VWA5B2: variants seen among roughly 807,000 people sequenced by gnomAD.
The protein encoded by VWA5B2 is von Willebrand factor A domain-containing protein 5B2.
In VWA5B2, 93 loss-of-function variants were observed where a neutral mutation model predicts 118.5. That is an observed-to-expected ratio of 0.79 (90% CI 0.66 to 0.93). VWA5B2 has a LOEUF of 0.93. VWA5B2 is among the 40% of genes least tolerant of loss of function. The pLI, the probability that VWA5B2 is intolerant of heterozygous loss-of-function variation, is 0.00. For missense variants in VWA5B2, 1,546 were observed against 1,672.8 expected (o/e 0.92, Z 1.32); for synonymous variants, 708 against 716.3 (o/e 0.99, Z 0.19).
rs1560158001 is a variant in VWA5B2, at chr3:184,241,029, G to A, written c.2884G>A (p.Ala962Thr). ...GALQVCSSEP[A>T]EPPGTPPASH... ...TGTCCCATGTGCCCCTGCAGAGCCC[G>A]CTGAGCCCCCAGGAACCCCTCCTGC... Residue 962 changes from alanine to threonine, a missense_variant, in exon 18 of 20, where the codon GCT becomes ACT. Transcript: ENST00000691901. This position sits in a 1 kb window ranked among gnomAD's most constrained non-coding sequence, Gnocchi z 5.1. 26 of 1,551,602 alleles carry A rather than the reference G, an allele frequency of 1.7e-5. No homozygotes were observed. The highest frequency in any genetic ancestry group is 2.2e-5 in the Non-Finnish European group (25 of 1,146,964).
At chr3:184,231,363 G>C (rs1357696606) in intron 3 of VWA5B2, among the ~76,000 whole-genome samples, 1 of 152,160 alleles carries the variant, frequency 6.6e-6, no homozygotes, top group Non-Finnish European at 1.5e-5. Context: ...CCCTCTCCCA[G>C]CGACCCCATA....
Position 184,239,665 on chromosome 3 carries a change from GC to G in VWA5B2, c.2393-20del. 6.8e-7 allele frequency: 1 copy of G among 1,467,042 alleles called. No homozygotes were observed. The highest frequency in any genetic ancestry group is 2.5e-5 in the East Asian group (1 of 40,010). 90.9% of individuals were successfully genotyped at this position (1,467,042 alleles called of 1,614,324 possible). A position where few individuals can be genotyped will look rare whatever the true frequency, so the allele number is the denominator to read the frequency against. ...AAGCCCAGAGGACCACTCTGCCCAT[GC>G]CCCTGCTGTCTTGCCTCCCCAGGAA... On this transcript the variant is annotated intron_variant, in intron 15 of 19. Transcript: ENST00000691901. The surrounding 1 kb of genome is among the most constrained non-coding windows in gnomAD (Gnocchi z 5.1).
rs1472390902 is a variant in VWA5B2, at chr3:184,241,800, G to A, written c.3491G>A (p.Gly1164Asp). ...GGGCTGGGCGGCACCGACCTGCGGG[G>A]CCGGACCTGGGCCACTGCCGTAGCA... is the stretch of plus-strand genomic sequence containing the variant. ...AEGLGGTDLR[G>D]RTWATAVALA... is the part of the protein sequence containing the mutation. Residue 1164 changes from glycine to aspartate, a missense_variant, in exon 20 of 20, where the codon GGC (glycine) becomes GAC (aspartate). Around this residue, in one of 3 missense-constraint regions of VWA5B2, gnomAD observed 763 missense variants for 766.6 expected, o/e 1.00. Coordinates refer to ENST00000691901, the MANE Select transcript of VWA5B2 (RefSeq NM_001390846.1). The surrounding 1 kb of genome is among the most constrained non-coding windows in gnomAD (Gnocchi z 5.1). 6.7e-6 allele frequency: 10 copies of A among 1,502,232 alleles called. No individual in the cohort carries two copies. Among genetic ancestry groups the A allele is most frequent in the Non-Finnish European group, 6.2e-6 (7 of 1,127,310 alleles). 93.1% of individuals were successfully genotyped at this position (1,502,232 alleles called of 1,614,324 possible).
At chr3:184,234,911 G>A (rs564174806) in intron 7 of VWA5B2, 156 bp downstream of exon 7, 90 of 1,252,462 alleles carry the variant, frequency 7.2e-5, no homozygotes, top group Non-Finnish European at 9.6e-5. Flanking sequence ...GGACAGATGA[G>A]TATTGTCATT....
At position 184,237,163 on chromosome 3, in the gene VWA5B2, G is replaced by C; in HGVS notation, c.1534-63G>C. On this transcript the variant is annotated intron_variant, in intron 11 of 19. Coordinates refer to ENST00000691901, the MANE Select transcript of VWA5B2 (RefSeq NM_001390846.1). The surrounding 1 kb of genome is among the most constrained non-coding windows in gnomAD (Gnocchi z 5.6). ...GCATCAGGGGAAGGGCAGCCTTCCT[G>C]CTCTGTCTGGCCGTATGACACCTCT... 6.6e-7 allele frequency: 1 copy of C among 1,512,070 alleles called. No homozygotes were observed. Among genetic ancestry groups the C allele is most frequent in the Non-Finnish European group, 8.9e-7 (1 of 1,122,432 alleles). 93.7% of individuals were successfully genotyped at this position (1,512,070 alleles called of 1,614,324 possible).
Position 184,236,684 on chromosome 3 carries a change from G to T in VWA5B2, c.1468G>T (p.Gly490Cys), listed in dbSNP as rs2108427076. 1.3e-6 allele frequency: 2 copies of T among 1,551,378 alleles called. No homozygotes were observed. Among genetic ancestry groups the T allele is most frequent in the East Asian group, 4.9e-5 (2 of 40,908 alleles). Residue 490 changes from glycine to cysteine, a missense_variant, in exon 11 of 20, where the codon GGT (glycine) becomes TGT (cysteine). Coordinates refer to ENST00000691901, the MANE Select transcript of VWA5B2 (RefSeq NM_001390846.1). Reference sequence around the variant, plus strand: ...GCCCACCTGCCACCAGCTGCTCCAGGGTTTATCTGCCCTCAGCAGAGGCCA... The same window carrying T: ...GCCCACCTGCCACCAGCTGCTCCAGTGTTTATCTGCCCTCAGCAGAGGCCA... ...LGPTCHQLLQ[G>C]LSALSRGQAY...
chr3:184,240,808 T>C lies in VWA5B2; in HGVS notation c.2758T>C (p.Trp920Arg), dbSNP rs1353827502. The part of the protein sequence containing the change: ...TADRGHARRC[W>R]LRALQTSKVS... ...TTCCACAGGCCATGCCCGGAGGTGCTGGCTTCGAGCCCTTCAGACAAGTAA... is the reference window on the plus strand; with the variant it reads ...TTCCACAGGCCATGCCCGGAGGTGCCGGCTTCGAGCCCTTCAGACAAGTAA... Residue 920 changes from tryptophan to arginine, a missense_variant, in exon 17 of 20, where the codon TGG becomes CGG. Coordinates refer to ENST00000691901, the MANE Select transcript of VWA5B2 (RefSeq NM_001390846.1). 1 of 1,551,284 alleles carries C rather than the reference T, an allele frequency of 6.4e-7. No individual in the cohort carries two copies. Among genetic ancestry groups the C allele is most frequent in the Admixed American group, 2.0e-5 (1 of 51,004 alleles).
At position 184,233,739 on chromosome 3, in the gene VWA5B2, T is replaced by C. The variant is rs1283323755; in HGVS notation, c.688+6T>C. 2 of 1,549,582 alleles carry C rather than the reference T, an allele frequency of 1.3e-6. No homozygotes were observed. The highest frequency in any genetic ancestry group is 1.7e-6 in the Non-Finnish European group (2 of 1,146,782). ...TGGGCCATGCCTGCTTGCAGGTGGG[T>C]GCATCTGGCTGGCCTGCCCTCTTTT... is the stretch of plus-strand genomic sequence containing the variant. On this transcript the variant is annotated splice_donor_region_variant and intron_variant, in intron 5 of 19. Transcript: ENST00000691901. The surrounding 1 kb of genome is among the most constrained non-coding windows in gnomAD (Gnocchi z 5.2).
chr3:184,241,266 C>G lies in VWA5B2; in HGVS notation c.3042C>G (p.Ala1014=). The G allele has an allele frequency of 6.4e-7, 1 of 1,551,372 alleles. No homozygotes were observed. The highest frequency in any genetic ancestry group is 8.7e-7 in the Non-Finnish European group (1 of 1,146,982). The change falls in exon 19 of 20, where the codon GCC becomes GCG. Residue 1014 remains alanine, a synonymous_variant. Transcript: ENST00000691901. This position sits in a 1 kb window ranked among gnomAD's most constrained non-coding sequence, Gnocchi z 5.1. ...CCAAGCGTGCTTTGGGGGACCCTGC[C>G]ACTCCCACGGAAGGTCCTCGCCGCC... The part of the protein sequence containing the change: ...GNSKRALGDP[A]TPTEGPRRPP...
chr3:184,232,941 G>C, intron 3 of VWA5B2: 1 of 559,210 alleles, frequency 1.8e-6, no homozygotes, highest in Non-Finnish European at 3.1e-6. Flanking sequence ...CCTTCCATTA[G>C]CAAGGATGTC....
chr3:184,240,526 C>T, intron 16 of VWA5B2: 1 of 519,198 alleles, frequency 1.9e-6, no homozygotes, highest in Non-Finnish European at 3.4e-6. Flanking sequence ...GGAAAATGTG[C>T]CAGCTAATGC....
In VWA5B2 at chr3:184,236,632, C is replaced by T; in HGVS notation, c.1422-6C>T. 6.4e-7 allele frequency: 1 copy of T among 1,550,638 alleles called. No individual in the cohort carries two copies. Among genetic ancestry groups the T allele is most frequent in the Non-Finnish European group, 8.7e-7 (1 of 1,146,248 alleles). On this transcript the variant is annotated splice_region_variant and splice_polypyrimidine_tract_variant and intron_variant, in intron 10 of 19. Transcript: ENST00000691901. ...AAGATCACAGCTGCTTCCTTTCCTT[C>T]ATCAGATGCTTCTCCTTTGGGCTGG... is the stretch of plus-strand genomic sequence containing the variant.
chr3:184,232,817 A>G (rs998338086), intron 3 of VWA5B2: 12 of 273,084 alleles, frequency 4.4e-5, no homozygotes, highest in African/African-American at 9.1e-5. Context: ...GGAGATGTCT[A>G]TCCACAAGGG....
rs1443679956 is a variant in VWA5B2 at position 184,240,055 on chromosome 3, C to T, written c.2740+19C>T. The T allele has an allele frequency of 1.3e-6, 2 of 1,500,924 alleles. No individual in the cohort carries two copies. The highest frequency in any genetic ancestry group is 1.4e-5 in the African/African-American group (1 of 71,782). The allele number at this position is 1,500,924 out of a possible 1,614,324, so 93.0% of individuals were successfully genotyped here. A position where few individuals can be genotyped will look rare whatever the true frequency, so the allele number is the denominator to read the frequency against. On this transcript the variant is annotated intron_variant, in intron 16 of 19. Coordinates refer to ENST00000691901, the MANE Select transcript of VWA5B2 (RefSeq NM_001390846.1). The stretch of plus-strand genomic sequence containing the variant: ...GACCGGGGTGAGTTGCTCATGGGTC[C>T]AGTCAGGACCCAAAGGCATGGGCTA...
Position 184,241,054 on chromosome 3 carries a change from C to A in VWA5B2, c.2909C>A (p.Ala970Asp). 2 of 1,551,724 alleles carry A rather than the reference C, an allele frequency of 1.3e-6. No individual in the cohort carries two copies. The highest frequency in any genetic ancestry group is 1.7e-6 in the Non-Finnish European group (2 of 1,146,988). The stretch of plus-strand genomic sequence containing the variant: ...GCTGAGCCCCCAGGAACCCCTCCTG[C>A]CTCTCACAGCCATCTAGATGCAGCT... ...EPAEPPGTPP[A>D]SHSHLDAAPL... Residue 970 changes from alanine (A) to aspartate (D), a missense_variant, in exon 18 of 20, where the codon GCC becomes GAC. By Grantham distance (126) the Ala-to-Asp change is moderately radical (BLOSUM62 -2). Transcript: ENST00000691901. This position sits in a 1 kb window ranked among gnomAD's most constrained non-coding sequence, Gnocchi z 5.1.
chr3:184,230,727 C>T lies in VWA5B2; in HGVS notation c.140-20C>T, dbSNP rs1717301076. The T allele has an allele frequency of 2.1e-5, 26 of 1,216,654 alleles. No homozygotes were observed. The highest frequency in any genetic ancestry group is 3.2e-4 in the Middle Eastern group (1 of 3,100). The allele number at this position is 1,216,654 out of a possible 1,614,324, so 75.4% of individuals were successfully genotyped here. A position where few individuals can be genotyped will look rare whatever the true frequency, so the allele number is the denominator to read the frequency against. On this transcript the variant is annotated intron_variant, in intron 2 of 19. Transcript: ENST00000691901. The stretch of plus-strand genomic sequence containing the variant: ...GTGCGCCGGGCAGGGTCCGACGCCG[C>T]CTCCCGCCGCCCTCCCCAGGCGTGT...
intron 3 of VWA5B2, 147 bp downstream of exon 3, chr3:184,231,064 G>T (rs963826451): frequency 1.7e-6 from 2 of 1,181,722 alleles, no homozygotes; most frequent in Admixed American, 4.5e-5. Context: ...GCAGTCGTGG[G>T]CTGGGCACCT....
At position 184,239,977 on chromosome 3, in the gene VWA5B2, T is replaced by C. The variant is rs975796715; in HGVS notation, c.2681T>C (p.Val894Ala). The C allele has an allele frequency of 2.4e-5, 37 of 1,550,724 alleles. No individual in the cohort carries two copies. The highest frequency in any genetic ancestry group is 3.1e-5 in the Non-Finnish European group (36 of 1,146,912). ...CTCCATCGGCTGACAGCAGCCTCTG[T>C]GGTCCGGGACAATGAGCAGCTGGCC... is the stretch of plus-strand genomic sequence containing the variant. The part of the protein sequence containing the change: ...QALHRLTAAS[V>A]VRDNEQLALR... The change falls in exon 16 of 20, where the codon GTG becomes GCG. Residue 894 changes from valine (V) to alanine (A), a missense_variant. This residue lies in a region of VWA5B2 where 763 missense variants were observed against 766.6 expected (regional missense o/e 1.00). Coordinates refer to ENST00000691901, the MANE Select transcript of VWA5B2 (RefSeq NM_001390846.1). The surrounding 1 kb of genome is among the most constrained non-coding windows in gnomAD (Gnocchi z 5.1).
chr3:184,233,092 C>T lies in VWA5B2; in HGVS notation c.311-86C>T, dbSNP rs1577086113. ...CGCAAAGTCCCCCTTGCCCAGGCTC[C>T]CTGACCCAATGCCTGCTTCCACATC... On this transcript the variant is annotated intron_variant, in intron 3 of 19. Transcript: ENST00000691901. The surrounding 1 kb of genome is among the most constrained non-coding windows in gnomAD (Gnocchi z 5.2). 1.5e-6 allele frequency: 2 copies of T among 1,308,212 alleles called. No individual in the cohort carries two copies. The highest frequency in any genetic ancestry group is 2.1e-6 in the Non-Finnish European group (2 of 948,286). 81.0% of individuals were successfully genotyped at this position (1,308,212 alleles called of 1,614,324 possible).
Sources: gnomAD v4.1 joint callset for allele counts (sites outside exome capture counted in the v4.1 genomes callset) on GRCh38, gnomAD v4.1.1 for gene constraint, gnomAD v4.1.1 regional missense constraint, Gnocchi (gnomAD v3.1) non-coding constraint, MANE v1.5 for transcripts, NCBI Gene and HGNC (gene_info 2026-07-23, HGNC 2026-07-21) for gene names.